The following TIMP2 variants were observed in gnomAD, a reference collection of about 807,000 sequenced individuals.
The protein encoded by TIMP2 is TIMP metallopeptidase inhibitor 2, also known as metalloproteinase inhibitor 2.
Under a neutral mutation model 24.3 loss-of-function variants are expected in TIMP2, and 5 were observed. The ratio of observed to expected loss-of-function variants is 0.21; its 90% CI spans 0.11 to 0.43. The LOEUF is 0.43. Among genes scored for constraint, TIMP2 ranks in the 20% least tolerant of loss-of-function variants. TIMP2 has a pLI of 1.00. For missense variants in TIMP2, 221 were observed against 297.5 expected (o/e 0.74, Z 1.89); for synonymous variants, 130 against 123.2 (o/e 1.06, Z -0.37).
intron 1 of TIMP2, chr17:78,905,038 G>C (rs954667458): frequency 1.3e-5 from 2 of 152,230 alleles, no homozygotes; most frequent in African/African-American, 4.8e-5. Flanking sequence ...TACTCAGGAG[G>C]CTAAGGCAGG....
chr17:78,877,210 G>A (rs1176529896), intron 1 of TIMP2, among the ~76,000 whole-genome samples: 3 of 152,216 alleles, frequency 2.0e-5, no homozygotes, highest in African/African-American at 7.2e-5. Context: ...CACCAAAAAT[G>A]TTTATGCAAA....
Position 78,924,904 on chromosome 17 carries a change from C to T in TIMP2, c.130+55G>A, listed in dbSNP as rs2070337644. On this transcript the variant is annotated intron_variant, in intron 1 of 4. Transcript: ENST00000262768. The surrounding 1 kb of genome is among the most constrained non-coding windows in gnomAD (Gnocchi z 5.3). Reference sequence around the variant, plus strand: ...GGCGGGCGGGGCGTCTGCGAACCCTCGGGGTCGCGGGGGAGGTGGGGCCCC... The same window carrying T: ...GGCGGGCGGGGCGTCTGCGAACCCTTGGGGTCGCGGGGGAGGTGGGGCCCC... 1 of 1,003,864 alleles carries T rather than the reference C, an allele frequency of 1.0e-6. No homozygotes were observed. Among genetic ancestry groups the T allele is most frequent in the Non-Finnish European group, 1.2e-6 (1 of 827,716 alleles). The allele number at this position is 1,003,864 out of a possible 1,614,324, so 62.2% of individuals were successfully genotyped here.
intron 1 of TIMP2, among the ~76,000 whole-genome samples, chr17:78,881,418 G>C (rs4789941): frequency 0.79 from 119,970 of 151,830 alleles, 47,759 homozygotes; most frequent in Admixed American, 0.83. Context: ...ATCACTAGTG[G>C]GTGGGGGGCA....
rs2069919072 is a variant in TIMP2, at chr17:78,892,607, C to A, written c.131-18688G>T. ...CTCTCTTGACCCGTGCCCACCAGGGCCCACTCTCAGCCTCCCAATTTCTGT... is the reference window on the plus strand; with the variant it reads ...CTCTCTTGACCCGTGCCCACCAGGGACCACTCTCAGCCTCCCAATTTCTGT... On this transcript the variant is annotated intron_variant, in intron 1 of 4. Transcript: ENST00000262768. 7 of 1,260,628 alleles carry A rather than the reference C, an allele frequency of 5.6e-6. No homozygotes were observed. In the Admixed American group the frequency reaches 8.7e-5, roughly 16 times the overall value. 78.1% of individuals were successfully genotyped at this position (1,260,628 alleles called of 1,614,324 possible).
rs2070335490 is a variant in TIMP2, at chr17:78,924,711, C to A, written c.130+248G>T. On this transcript the variant is annotated intron_variant, in intron 1 of 4. Transcript: ENST00000262768. The surrounding 1 kb of genome is among the most constrained non-coding windows in gnomAD (Gnocchi z 5.3). ...CCCTTTCCTGGGGCTGGAGCTGCGG[C>A]GGAATTTCGGTGGAATTTTGAGGTT... is the stretch of plus-strand genomic sequence containing the variant. Among the ~76,000 whole-genome samples the A allele has an allele frequency of 6.6e-6, 1 of 152,016 alleles. No homozygotes were observed. Among genetic ancestry groups the A allele is most frequent in the South Asian group, 2.1e-4 (1 of 4,834 alleles).
intron 2 of TIMP2, among the ~76,000 whole-genome samples, chr17:78,871,815 C>T (rs1311890788): frequency 3.4e-5 from 5 of 148,778 alleles, no homozygotes; most frequent in African/African-American, 1.3e-4. Flanking sequence ...CACTGCGCTC[C>T]AGCCTGGGAG....
rs2070002152 is a variant in TIMP2 at position 78,896,513 on chromosome 17, A to G, written c.131-22594T>C. The stretch of plus-strand genomic sequence containing the variant: ...CACCTGCCCTCTCTGGTTGCTTAGA[A>G]TATTCTAGAAGGGGCAGGGGTCCTG... On this transcript the variant is annotated intron_variant, in intron 1 of 4. Coordinates refer to ENST00000262768, the MANE Select transcript of TIMP2 (RefSeq NM_003255.5). This position sits in a 1 kb window ranked among gnomAD's most constrained non-coding sequence, Gnocchi z 4.4. Among the ~76,000 whole-genome samples the G allele has an allele frequency of 1.3e-5, 2 of 152,068 alleles. No individual in the cohort carries two copies. The highest frequency in any genetic ancestry group is 2.9e-5 in the Non-Finnish European group (2 of 68,006).
intron 1 of TIMP2, among the ~76,000 whole-genome samples, chr17:78,877,712 T>C (rs1336293760): frequency 6.6e-6 from 1 of 151,544 alleles, no homozygotes; most frequent in African/African-American, 2.4e-5. Context: ...TCTTTCTTTT[T>C]TTTTTTTTTG....
At chr17:78,895,409 A>G (rs183394341) in intron 1 of TIMP2, among the ~76,000 whole-genome samples, 39 of 152,368 alleles carry the variant, frequency 2.6e-4, no homozygotes, top group African/African-American at 7.7e-4. Flanking sequence ...AGAAATGCAC[A>G]CTGACCCTGC....
intron 4 of TIMP2, 124 bp downstream of exon 4, chr17:78,857,398 A>C: frequency 7.5e-7 from 1 of 1,333,374 alleles, no homozygotes; most frequent in South Asian, 1.3e-5. Context: ...ACCTTCCCAG[A>C]GCCTGGTCTT....
intron 1 of TIMP2, among the ~76,000 whole-genome samples, chr17:78,888,169 T>TTC (rs1200004954): frequency 1.3e-5 from 2 of 151,256 alleles, no homozygotes; most frequent in African/African-American, 2.4e-5. Flanking sequence ...TTTTTTTTTT[T>TTC]CCTTTTTTGA....
At chr17:78,906,961 G>T (rs1031005171) in intron 1 of TIMP2, among the ~76,000 whole-genome samples, 2 of 152,200 alleles carry the variant, frequency 1.3e-5, no homozygotes, top group African/African-American at 2.4e-5. Context: ...CAACTTGGCT[G>T]TTTGGCACAA....
chr17:78,863,242 TA>T (rs2069581596), intron 3 of TIMP2, among the ~76,000 whole-genome samples: 1 of 152,180 alleles, frequency 6.6e-6, no homozygotes, highest in African/African-American at 2.4e-5. Context: ...TTTTATTTTT[TA>T]TTTATTTTTT....
chr17:78,912,622 G>C (rs530431771), intron 1 of TIMP2, among the ~76,000 whole-genome samples: 5 of 152,340 alleles, frequency 3.3e-5, no homozygotes, highest in Non-Finnish European at 7.3e-5. Context: ...CACCCTGCAG[G>C]TTCCACTTCT....
chr17:78,915,505 G>GTC (rs559331476), intron 1 of TIMP2, among the ~76,000 whole-genome samples: 6 of 144,320 alleles, frequency 4.2e-5, no homozygotes, highest in Admixed American at 1.4e-4. Flanking sequence ...TTTAAAAGCC[G>GTC]TCTCTCTCTC....
chr17:78,864,651 G>A (rs1254419035), intron 3 of TIMP2, among the ~76,000 whole-genome samples: 1 of 152,102 alleles, frequency 6.6e-6, no homozygotes, highest in African/African-American at 2.4e-5. Flanking sequence ...TAGTATCTGA[G>A]TTAAAAAGTT....
chr17:78,923,499 C>T (rs1049841309), intron 1 of TIMP2, among the ~76,000 whole-genome samples: 15 of 152,042 alleles, frequency 9.9e-5, no homozygotes, highest in African/African-American at 3.6e-4. Flanking sequence ...TGGCTACATC[C>T]TGCCCCAGCA....
chr17:78,873,426 G>A (rs565501654), intron 2 of TIMP2, among the ~76,000 whole-genome samples: 9 of 151,768 alleles, frequency 5.9e-5, no homozygotes, highest in South Asian at 2.1e-4. Context: ...TCAGCCTCCC[G>A]AATAGCTGGG....
At chr17:78,857,719 C>A in intron 3 of TIMP2, 73 bp from the exon 4 acceptor site, 1 of 1,593,910 alleles carries the variant, frequency 6.3e-7, no homozygotes, top group East Asian at 2.2e-5. Context: ...CTCCACCCGG[C>A]GCAGGGGCGC....
Sources: gnomAD v4.1 joint callset for allele counts (sites outside exome capture counted in the v4.1 genomes callset) on GRCh38, gnomAD v4.1.1 for gene constraint, Gnocchi (gnomAD v3.1) non-coding constraint, MANE v1.5 for transcripts, NCBI Gene and HGNC (gene_info 2026-07-23, HGNC 2026-07-21) for gene names.